Variants in PREP observed in about 807,000 individuals in gnomAD.
PREP encodes dJ355L5.1 (prolyl endopeptidase).
PREP carries 29 observed loss-of-function variants against 87.6 expected under a neutral mutation model. That is an observed-to-expected ratio of 0.33 (90% CI 0.25 to 0.45). The LOEUF (loss-of-function observed/expected upper bound fraction) is 0.45, where lower values mean the gene tolerates loss of function less well. Among genes scored for constraint, PREP ranks in the 20% least tolerant of loss-of-function variants. PREP has a pLI of 1.00. For synonymous variants in PREP, 337 were observed against 328.6 expected (o/e 1.03, Z -0.28); for missense variants, 695 against 886.5 (o/e 0.78, Z 2.74).
Position 105,289,709 on chromosome 6 carries a change from T to C in PREP, c.1318-815A>G, listed in dbSNP as rs77491319. ...GCCACAAAAAGCTGATAATGCTTTTTTTCCCAAAAGGAAAAGCTGTGAATA... is the reference window on the plus strand; with the variant it reads ...GCCACAAAAAGCTGATAATGCTTTTCTTCCCAAAAGGAAAAGCTGTGAATA... On this transcript the variant is annotated intron_variant, in intron 10 of 14. Coordinates refer to ENST00000652536, the MANE Select transcript of PREP (RefSeq NM_002726.5). Among the ~76,000 whole-genome samples, 617 of 152,306 alleles carry C rather than the reference T, an allele frequency of 4.1e-3. 5 individuals carry two copies. Among genetic ancestry groups the C allele is most frequent in the African/African-American group, 0.014 (570 of 41,564 alleles).
intron 10 of PREP, chr6:105,322,432 A>C (rs1447081347): frequency 2.0e-6 from 2 of 983,720 alleles, no homozygotes; most frequent in Non-Finnish European, 2.4e-6. Context: ...AGAAAGGTTA[A>C]ATGACTTGCC....
intron 7 of PREP, among the ~76,000 whole-genome samples, chr6:105,334,676 C>G (rs1771432574): frequency 6.9e-6 from 1 of 144,890 alleles, no homozygotes. Context: ...TGAGATTGCG[C>G]CACTTCACTC....
At chr6:105,368,657 A>G (rs908026325) in intron 6 of PREP, among the ~76,000 whole-genome samples, 1 of 152,218 alleles carries the variant, frequency 6.6e-6, no homozygotes, top group African/African-American at 2.4e-5. Context: ...AGTTTTTACT[A>G]GAAGTAAAAT....
At chr6:105,284,185 T>C (rs1220084370) in intron 12 of PREP, among the ~76,000 whole-genome samples, 1 of 152,190 alleles carries the variant, frequency 6.6e-6, no homozygotes, top group Non-Finnish European at 1.5e-5. Flanking sequence ...AATGAATTCT[T>C]TGCAGTTTCA....
chr6:105,334,913 A>G (rs1771441801), intron 7 of PREP, among the ~76,000 whole-genome samples: 1 of 152,134 alleles, frequency 6.6e-6, no homozygotes, highest in Admixed American at 6.5e-5. Flanking sequence ...CTTAAGATAC[A>G]ATTATGTGTT....
At chr6:105,308,313 G>A (rs1770693023) in intron 10 of PREP, among the ~76,000 whole-genome samples, 1 of 152,138 alleles carries the variant, frequency 6.6e-6, no homozygotes, top group Non-Finnish European at 1.5e-5. Flanking sequence ...TGGGTCAACT[G>A]AATTTACATG....
At chr6:105,285,816 C>T (rs1363728933) in intron 11 of PREP, among the ~76,000 whole-genome samples, 2 of 152,174 alleles carry the variant, frequency 1.3e-5, no homozygotes, top group African/African-American at 4.8e-5. Flanking sequence ...CACTCTGTCA[C>T]CCAGGCTGGA....
chr6:105,360,693 C>T (rs1226959582), intron 6 of PREP, among the ~76,000 whole-genome samples: 6 of 152,136 alleles, frequency 3.9e-5, no homozygotes, highest in Admixed American at 3.3e-4. Context: ...ACGTGTAATT[C>T]GGACAACTTA....
intron 10 of PREP, among the ~76,000 whole-genome samples, chr6:105,299,848 C>A (rs1406561670): frequency 1.3e-5 from 2 of 151,780 alleles, no homozygotes; most frequent in Non-Finnish European, 2.9e-5. Flanking sequence ...CTAGGGAATC[C>A]TGGGGACAAA....
At chr6:105,292,011 A>T (rs1209245366) in intron 10 of PREP, among the ~76,000 whole-genome samples, 2 of 152,164 alleles carry the variant, frequency 1.3e-5, no homozygotes, top group Non-Finnish European at 2.9e-5. Flanking sequence ...TGCAGGCTCC[A>T]CTTCTAATTC....
At chr6:105,376,047 G>A (rs1322706881) in intron 4 of PREP, 78 bp downstream of exon 4, 1 of 1,506,126 alleles carries the variant, frequency 6.6e-7, no homozygotes, top group East Asian at 2.3e-5. Context: ...GCATTTCAGA[G>A]GTAAAGCAAC....
chr6:105,369,051 A>AATGT, intron 5 of PREP, 27 bp from the exon 6 acceptor site: 1 of 1,610,058 alleles, frequency 6.2e-7, no homozygotes, highest in African/African-American at 1.3e-5. Context: ...TGTACACTGA[A>AATGT]ATGTACTTGA....
chr6:105,326,447 G>A (rs1190395612), intron 9 of PREP, among the ~76,000 whole-genome samples: 2 of 152,186 alleles, frequency 1.3e-5, no homozygotes, highest in African/African-American at 2.4e-5. Context: ...GGCTCAAGAT[G>A]TGTTTTCACC....
At chr6:105,389,019 A>C (rs9486074) in intron 2 of PREP, among the ~76,000 whole-genome samples, 2,254 of 152,338 alleles carry the variant, frequency 0.015, 65 homozygotes, top group African/African-American at 0.052. Flanking sequence ...CTTTTCATGA[A>C]AAATCTAGAA....
intron 10 of PREP, among the ~76,000 whole-genome samples, chr6:105,320,048 A>C (rs1174378684): frequency 6.6e-6 from 1 of 152,234 alleles, no homozygotes; most frequent in Admixed American, 6.5e-5. Flanking sequence ...CTGACTGTAA[A>C]TGTAGACAGA....
At chr6:105,302,758 G>A (rs1014008991) in intron 10 of PREP, 12 of 497,550 alleles carry the variant, frequency 2.4e-5, no homozygotes, top group East Asian at 5.5e-5. Context: ...CCTTCAGGTC[G>A]TCCAGCTGTT....
chr6:105,397,974 A>T (rs1452197632), intron 1 of PREP, 47 bp from the exon 2 acceptor site: 3 of 1,367,426 alleles, frequency 2.2e-6, no homozygotes, highest in African/African-American at 2.9e-5. Flanking sequence ...TCTAACCCCA[A>T]TTAAAACTGG....
chr6:105,328,719 T>C, intron 9 of PREP, 110 bp downstream of exon 9: 1 of 1,191,298 alleles, frequency 8.4e-7, no homozygotes, highest in East Asian at 2.5e-5. Context: ...TTGGCTATAA[T>C]ACAGCATATG....
intron 1 of PREP, among the ~76,000 whole-genome samples, chr6:105,400,373 C>T (rs1773395129): frequency 6.6e-6 from 1 of 152,196 alleles, no homozygotes. Flanking sequence ...TCAAACCTGC[C>T]CTGCTCATCT....
Sources: gnomAD v4.1 joint callset for allele counts (sites outside exome capture counted in the v4.1 genomes callset) on GRCh38, gnomAD v4.1.1 for gene constraint, MANE v1.5 for transcripts, NCBI Gene and HGNC (gene_info 2026-07-23, HGNC 2026-07-21) for gene names.